Variants in ADARB2 observed in about 807,000 individuals in gnomAD.
ADARB2 encodes adenosine deaminase RNA specific B2 (inactive), also known as inactive double-stranded RNA-specific editase B2.
A neutral mutation model predicts 62.2 loss-of-function variants in ADARB2; 25 were observed. The observed-to-expected ratio is 0.40, with a 90% CI of 0.29 to 0.56. ADARB2 has a LOEUF of 0.56. Ranked by LOEUF, ADARB2 falls within the 20% of genes least tolerant of loss-of-function variation. The probability of loss-of-function intolerance (pLI) is 0.43; values close to 1 mark genes in which losing one functional copy is unlikely to be tolerated. For synonymous variants in ADARB2, 572 were observed against 500.8 expected (o/e 1.14, Z -1.90); for missense variants, 1,071 against 1,077.4 (o/e 0.99, Z 0.08).
intron 3 of ADARB2, among the ~76,000 whole-genome samples, chr10:1,347,931 C>G (rs933992047): frequency 6.6e-6 from 1 of 150,868 alleles, no homozygotes. Flanking sequence ...GACACAGAGA[C>G]AGAGATAGAG....
chr10:1,377,785 G>A (rs1467679781), intron 2 of ADARB2, among the ~76,000 whole-genome samples: 1 of 152,136 alleles, frequency 6.6e-6, no homozygotes, highest in East Asian at 1.9e-4. Flanking sequence ...TAGAAGAGAA[G>A]GGGTCCAAAA....
At chr10:1,366,792 CG>C (rs1832317467) in intron 2 of ADARB2, among the ~76,000 whole-genome samples, 1 of 152,160 alleles carries the variant, frequency 6.6e-6, no homozygotes, top group East Asian at 1.9e-4. Flanking sequence ...CACGTGTGAC[CG>C]GATGGTGAGC....
chr10:1,262,307 T>TAATAATAATA (rs1831148114), intron 4 of ADARB2, among the ~76,000 whole-genome samples: 1 of 143,002 alleles, frequency 7.0e-6, no homozygotes, highest in East Asian at 2.0e-4. Context: ...ATAATAATAA[T>TAATAATAATA]AATAATAATA....
intron 1 of ADARB2, among the ~76,000 whole-genome samples, chr10:1,591,724 C>T (rs1040968701): frequency 2.6e-5 from 4 of 152,200 alleles, no homozygotes; most frequent in African/African-American, 9.6e-5. Context: ...TCTTGTTGGA[C>T]GAGGTGGCAG....
intron 1 of ADARB2, among the ~76,000 whole-genome samples, chr10:1,589,452 G>A (rs1289171607): frequency 6.6e-6 from 1 of 152,038 alleles, no homozygotes; most frequent in African/African-American, 2.4e-5. Context: ...CATGGTCGGG[G>A]TGTCCATGGT....
intron 1 of ADARB2, among the ~76,000 whole-genome samples, chr10:1,527,230 T>C (rs558992999): frequency 1.3e-5 from 2 of 152,230 alleles, no homozygotes; most frequent in Non-Finnish European, 2.9e-5. Flanking sequence ...TGTGGAGAAC[T>C]GCTTCTTGTA....
At chr10:1,270,744 C>A (rs1831253119) in intron 4 of ADARB2, among the ~76,000 whole-genome samples, 1 of 152,206 alleles carries the variant, frequency 6.6e-6, no homozygotes, top group Non-Finnish European at 1.5e-5. Flanking sequence ...CAGAGCTGGG[C>A]CCCGGCAGCC....
Position 1,571,298 on chromosome 10 carries a change from A to T in ADARB2, c.100+165753T>A, listed in dbSNP as rs544167518. Among the ~76,000 whole-genome samples, 1,002 of 138,812 alleles carry T rather than the reference A, an allele frequency of 7.2e-3. 6 individuals carry two copies. Among genetic ancestry groups the T allele is most frequent in the African/African-American group, 0.03 (920 of 30,476 alleles). 91.1% of individuals were successfully genotyped at this position (138,812 alleles called of 152,430 possible). A position where few individuals can be genotyped will look rare whatever the true frequency, so the allele number is the denominator to read the frequency against. ...GATCTATTTTTACTTTTTTTTTTTT[A>T]AAAAAAGCCTGTATGACAGGTTTTG... On this transcript the variant is annotated intron_variant, in intron 1 of 9. Coordinates refer to ENST00000381312, the MANE Select transcript of ADARB2 (RefSeq NM_018702.4).
intron 1 of ADARB2, among the ~76,000 whole-genome samples, chr10:1,437,054 T>C (rs1830841751): frequency 6.6e-6 from 1 of 152,222 alleles, no homozygotes; most frequent in Non-Finnish European, 1.5e-5. Flanking sequence ...TAAGGAACTC[T>C]TAGAAATTTA....
In ADARB2 at chr10:1,443,372, A is replaced by C. The variant is rs1335900938; in HGVS notation, c.101-64212T>G. Among the ~76,000 whole-genome samples the C allele has an allele frequency of 3.3e-5, 5 of 152,258 alleles. No homozygotes were observed. The East Asian group carries it at 9.6e-4, about 29-fold the overall frequency. Reference sequence around the variant, plus strand: ...ACTGTCTTCAGTTTCCTTTCTTATTATGCAGGCGAATTAATTCTTTAATGT... The same window carrying C: ...ACTGTCTTCAGTTTCCTTTCTTATTCTGCAGGCGAATTAATTCTTTAATGT... On this transcript the variant is annotated intron_variant, in intron 1 of 9. Coordinates refer to ENST00000381312, the MANE Select transcript of ADARB2 (RefSeq NM_018702.4).
In ADARB2 at chr10:1,363,808, C is replaced by T; in HGVS notation, c.297G>A (p.Lys99=). Residue 99 remains lysine (K), a synonymous_variant, in exon 3 of 10, where the codon AAG becomes AAA. Transcript: ENST00000381312. ...ARGGAPGAKR[K]RPLEEGNGGH... is the part of the protein sequence containing the mutation. The stretch of plus-strand genomic sequence containing the variant: ...CCCCATTCCCCTCCTCCAGCGGCCG[C>T]TTCCTCTTCGCGCCGGGCGCGCCGC... 6.3e-7 allele frequency: 1 copy of T among 1,595,118 alleles called. No homozygotes were observed. The highest frequency in any genetic ancestry group is 1.1e-5 in the South Asian group (1 of 90,448).
At chr10:1,200,396 C>A (rs750782499) in intron 7 of ADARB2, 6 of 545,618 alleles carry the variant, frequency 1.1e-5, no homozygotes, top group Admixed American at 1.0e-4. Context: ...GAAAATGAGT[C>A]GTTAGAGTGG....
intron 1 of ADARB2, among the ~76,000 whole-genome samples, chr10:1,599,610 A>G (rs543968752): frequency 6.6e-6 from 1 of 152,238 alleles, no homozygotes; most frequent in Non-Finnish European, 1.5e-5. Context: ...GGAAGATGCA[A>G]CCCTCCCAGT....
intron 1 of ADARB2, among the ~76,000 whole-genome samples, chr10:1,642,463 T>C (rs1387057568): frequency 6.6e-6 from 1 of 152,220 alleles, no homozygotes; most frequent in African/African-American, 2.4e-5. Flanking sequence ...TTGGAAAATT[T>C]ATGTCAGTAT....
chr10:1,405,964 C>A (rs898977156), intron 1 of ADARB2, among the ~76,000 whole-genome samples: 1 of 151,830 alleles, frequency 6.6e-6, no homozygotes, highest in Non-Finnish European at 1.5e-5. Context: ...TTTATTAAAC[C>A]CTTCTCCAAG....
At chr10:1,259,532 T>TA (rs1831113712) in intron 4 of ADARB2, among the ~76,000 whole-genome samples, 1 of 152,108 alleles carries the variant, frequency 6.6e-6, no homozygotes, top group Non-Finnish European at 1.5e-5. Flanking sequence ...TCTACGCAAA[T>TA]AAACTAGAAA....
intron 1 of ADARB2, among the ~76,000 whole-genome samples, chr10:1,570,899 C>T (rs1338548276): frequency 6.6e-6 from 1 of 152,048 alleles, no homozygotes; most frequent in African/African-American, 2.4e-5. Flanking sequence ...GTGACAGGTG[C>T]AGGAGAGGCT....
intron 1 of ADARB2, among the ~76,000 whole-genome samples, chr10:1,663,146 T>C (rs79511600): frequency 5.6e-4 from 86 of 152,360 alleles, no homozygotes; most frequent in African/African-American, 2.0e-3. Context: ...ATCAACTATT[T>C]TAGAGCAGTT....
intron 1 of ADARB2, among the ~76,000 whole-genome samples, chr10:1,674,616 G>A (rs1050433800): frequency 2.6e-5 from 4 of 152,174 alleles, no homozygotes; most frequent in African/African-American, 9.7e-5. Flanking sequence ...TTGCGGTTGG[G>A]AGGTCACAGG....
Sources: gnomAD v4.1 joint callset for allele counts (sites outside exome capture counted in the v4.1 genomes callset) on GRCh38, gnomAD v4.1.1 for gene constraint, MANE v1.5 for transcripts, NCBI Gene and HGNC (gene_info 2026-07-23, HGNC 2026-07-21) for gene names.